TERT: variants seen among roughly 807,000 people sequenced by gnomAD.
TERT encodes telomerase reverse transcriptase.
A neutral mutation model predicts 104.0 loss-of-function variants in TERT; 42 were observed. That is an observed-to-expected ratio of 0.40 (90% CI 0.32 to 0.52). The LOEUF (loss-of-function observed/expected upper bound fraction) is 0.52. Ranked by LOEUF, TERT falls within the 20% of genes least tolerant of loss-of-function variation. The probability of loss-of-function intolerance (pLI) is 0.43; values close to 1 mark genes in which losing one functional copy is unlikely to be tolerated. For missense variants in TERT, 1,101 were observed against 1,610.3 expected (o/e 0.68, Z 5.41); for synonymous variants, 781 against 725.6 (o/e 1.08, Z -1.23).
chr5:1,290,344 G>A (rs1278863061), intron 2 of TERT, among the ~76,000 whole-genome samples: 34 of 48,634 alleles, frequency 7.0e-4, no homozygotes, highest in Non-Finnish European at 8.8e-4. Context: ...ACCCGGGGAC[G>A]GCACCTCACT....
chr5:1,257,862 C>G lies in TERT; in HGVS notation c.3032+736G>C, dbSNP rs537834845. Among the ~76,000 whole-genome samples the G allele has an allele frequency of 4.9e-4, 74 of 152,358 alleles. No individual in the cohort carries two copies. The highest frequency in any genetic ancestry group is 1.7e-3 in the African/African-American group (69 of 41,590). On this transcript the variant is annotated intron_variant, in intron 13 of 15. Transcript: ENST00000310581. The surrounding 1 kb of genome is among the most constrained non-coding windows in gnomAD (Gnocchi z 5.6). ...CCTCATGGGGCGAGGGCTTCGGCCT[C>G]CTGGCATTCAGCTCCCAGTGGCTCG...
Position 1,291,582 on chromosome 5 carries a change from G to A in TERT, c.1573+1731C>T, listed in dbSNP as rs1334558486. On this transcript the variant is annotated intron_variant, in intron 2 of 15. Transcript: ENST00000310581. ...GGACCGCGCCTCACTCACCCTGCAC[G>A]TGACAGGGACACCCGGGGACAGTGC... 7.4e-5 allele frequency among the ~76,000 whole-genome samples: 9 copies of A among 121,700 alleles called. 1 individual carries two copies. Among genetic ancestry groups the A allele is most frequent in the African/African-American group, 1.8e-4 (6 of 32,550 alleles). 79.8% of individuals were successfully genotyped at this position (121,700 alleles called of 152,430 possible).
rs1481526032 is a variant in TERT, at chr5:1,268,763, A to C, written c.2469-130T>G. On this transcript the variant is annotated intron_variant, in intron 8 of 15. Transcript: ENST00000310581. This position sits in a 1 kb window ranked among gnomAD's most constrained non-coding sequence, Gnocchi z 5.5. ...CACGTCTACCATTCAGCCGGCAAAC[A>C]CCTCAGAAACATACCAGATGAGACC... The C allele has an allele frequency of 2.8e-5, 18 of 645,232 alleles. No individual in the cohort carries two copies. The East Asian group carries it at 4.4e-4, about 16-fold the overall frequency. 40.0% of individuals were successfully genotyped at this position (645,232 alleles called of 1,614,324 possible).
At chr5:1,277,675 T>C (rs1447950563) in intron 6 of TERT, among the ~76,000 whole-genome samples, 1 of 138,382 alleles carries the variant, frequency 7.2e-6, no homozygotes. Flanking sequence ...GACGGGGGGG[T>C]CTCCTGGGCT....
At chr5:1,278,907 C>T (rs1749806585) in intron 5 of TERT, 111 bp from the exon 6 acceptor site, 1 of 1,433,648 alleles carries the variant, frequency 7.0e-7, no homozygotes, top group Admixed American at 1.7e-5. Context: ...CTGACCCCCA[C>T]CACTCCAGAC....
intron 3 of TERT, among the ~76,000 whole-genome samples, chr5:1,282,003 G>A (rs187021258): frequency 4.0e-4 from 61 of 152,040 alleles, no homozygotes; most frequent in African/African-American, 1.4e-3. Flanking sequence ...CTGGTGAATC[G>A]CTTAAACCCA....
chr5:1,286,416 C>T lies in TERT; in HGVS notation c.1574-3792G>A, dbSNP rs545694091. ...GGCAAAGCTACAGAAACACTCAACACGGAAAACAATATTAATAATGCTTAG... is the reference window on the plus strand; with the variant it reads ...GGCAAAGCTACAGAAACACTCAACATGGAAAACAATATTAATAATGCTTAG... On this transcript the variant is annotated intron_variant, in intron 2 of 15. Coordinates refer to ENST00000310581, the MANE Select transcript of TERT (RefSeq NM_198253.3). This position sits in a 1 kb window ranked among gnomAD's most constrained non-coding sequence, Gnocchi z 5.3. Among the ~76,000 whole-genome samples, 6 of 152,176 alleles carry T rather than the reference C, an allele frequency of 3.9e-5. No individual in the cohort carries two copies. Among genetic ancestry groups the T allele is most frequent in the East Asian group, 3.9e-4 (2 of 5,186 alleles).
At position 1,280,230 on chromosome 5, in the gene TERT, C is replaced by T; in HGVS notation, c.1878G>A (p.Lys626=). 1 of 1,613,968 alleles carries T rather than the reference C, an allele frequency of 6.2e-7. No homozygotes were observed. Among genetic ancestry groups the T allele is most frequent in the South Asian group, 1.1e-5 (1 of 91,092 alleles). The change falls in exon 4 of 16, where the codon AAG becomes AAA. Residue 626 remains lysine (K), a synonymous_variant. Transcript: ENST00000310581. ...LLTSRLRFIP[K]PDGLRPIVNM... is the part of the protein sequence containing the mutation. ...TCACAATCGGCCGCAGCCCGTCAGG[C>T]TTGGGGATGAAGCGGAGTCTGGACG...
chr5:1,253,473 C>T lies in TERT; in HGVS notation c.*255G>A, dbSNP rs373241100. 3.9e-4 allele frequency: 224 copies of T among 580,710 alleles called. 2 individuals are homozygous for T. The highest frequency in any genetic ancestry group is 2.7e-3 in the African/African-American group (144 of 53,654). 36.0% of individuals were successfully genotyped at this position (580,710 alleles called of 1,614,324 possible). On this transcript the variant is annotated 3_prime_UTR_variant, in exon 16 of 16. Transcript: ENST00000310581. ...GGAAAAGCTGGCCCTGGGGTGGAGC[C>T]GAGCGCCAGCCTGTGGGGAAGTGAA...
In TERT at chr5:1,288,621, C is replaced by A. The variant is rs1265987324; in HGVS notation, c.1573+4692G>T. Among the ~76,000 whole-genome samples the A allele has an allele frequency of 1.3e-5, 2 of 152,092 alleles. No homozygotes were observed. The highest frequency in any genetic ancestry group is 2.9e-5 in the Non-Finnish European group (2 of 68,022). Reference sequence around the variant, plus strand: ...CACCCAAGGGGGCCAAGCAGAGGGGCAGCTTGGGAGAAAACAGGACAAGTG... The same window carrying A: ...CACCCAAGGGGGCCAAGCAGAGGGGAAGCTTGGGAGAAAACAGGACAAGTG... On this transcript the variant is annotated intron_variant, in intron 2 of 15. Transcript: ENST00000310581. This position sits in a 1 kb window ranked among gnomAD's most constrained non-coding sequence, Gnocchi z 5.3.
intron 2 of TERT, among the ~76,000 whole-genome samples, chr5:1,291,799 G>A (rs1049401617): frequency 1.3e-5 from 2 of 152,242 alleles, no homozygotes; most frequent in African/African-American, 4.8e-5. Context: ...TAAGCCAGGG[G>A]CAGATTGTGA....
At chr5:1,278,590 C>G (rs772061400) in intron 6 of TERT, 51 bp downstream of exon 6, 28 of 1,612,800 alleles carry the variant, frequency 1.7e-5, no homozygotes, top group Non-Finnish European at 2.4e-5. Flanking sequence ...TAGACACATT[C>G]ATATCCCAGA....
In TERT at chr5:1,292,545, T is replaced by C. The variant is rs1751062184; in HGVS notation, c.1573+768A>G. 6.6e-6 allele frequency among the ~76,000 whole-genome samples: 1 copy of C among 151,734 alleles called. No individual in the cohort carries two copies. Among genetic ancestry groups the C allele is most frequent in the Non-Finnish European group, 1.5e-5 (1 of 67,998 alleles). On this transcript the variant is annotated intron_variant, in intron 2 of 15. Transcript: ENST00000310581. This position sits in a 1 kb window ranked among gnomAD's most constrained non-coding sequence, Gnocchi z 5.5. Reference sequence around the variant, plus strand: ...TTTTTTTTTAAAGACAGAGTTTCACTCTTGTCGCCCAGGCTGGAGTACAAT... The same window carrying C: ...TTTTTTTTTAAAGACAGAGTTTCACCCTTGTCGCCCAGGCTGGAGTACAAT...
intron 9 of TERT, 92 bp from the exon 10 acceptor site, chr5:1,266,627 G>A: frequency 9.4e-7 from 1 of 1,058,558 alleles, no homozygotes; most frequent in South Asian, 1.4e-5. Flanking sequence ...AATTTACACA[G>A]CCATAAATAA....
At position 1,292,041 on chromosome 5, in the gene TERT, G is replaced by A. The variant is rs1013015196; in HGVS notation, c.1573+1272C>T. On this transcript the variant is annotated intron_variant, in intron 2 of 15. Transcript: ENST00000310581. This position sits in a 1 kb window ranked among gnomAD's most constrained non-coding sequence, Gnocchi z 5.5. Reference sequence around the variant, plus strand: ...TTTCAAGCAACCTGCTGTAAACACCGCCGAGTTAGCAATTCTGCACTGTAC... The same window carrying A: ...TTTCAAGCAACCTGCTGTAAACACCACCGAGTTAGCAATTCTGCACTGTAC... Among the ~76,000 whole-genome samples, 33 of 152,128 alleles carry A rather than the reference G, an allele frequency of 2.2e-4. No individual in the cohort carries two copies. Among genetic ancestry groups the A allele is most frequent in the African/African-American group, 8.0e-4 (33 of 41,408 alleles).
chr5:1,291,708 GTGACAGGGACACCTGGGGGCA>G (rs1750997297), intron 2 of TERT, among the ~76,000 whole-genome samples: 1 of 147,924 alleles, frequency 6.8e-6, no homozygotes, highest in African/African-American at 2.5e-5. Flanking sequence ...CACCCTACAC[GTGACAGGGACACCTGGGGGCA>G]ACGCCTCACT....
chr5:1,277,548 G>A (rs1220692042), intron 6 of TERT, among the ~76,000 whole-genome samples: 2 of 151,478 alleles, frequency 1.3e-5, no homozygotes, highest in African/African-American at 4.8e-5. Context: ...GACCATGGAG[G>A]TCGAGGTCGG....
Position 1,255,515 on chromosome 5 carries a change from CAT to C in TERT, c.3033-106_3033-105del. On this transcript the variant is annotated intron_variant, in intron 13 of 15. Coordinates refer to ENST00000310581, the MANE Select transcript of TERT (RefSeq NM_198253.3). This position sits in a 1 kb window ranked among gnomAD's most constrained non-coding sequence, Gnocchi z 6.9. Reference sequence around the variant, plus strand: ...GTGCCTGTGTGCGTGCATGAATGCACATGCATGGGTTTCCTCATGGGCACAGG... The same window carrying C: ...GTGCCTGTGTGCGTGCATGAATGCACGCATGGGTTTCCTCATGGGCACAGG... 1 of 1,457,434 alleles carries C rather than the reference CAT, an allele frequency of 6.9e-7. No homozygotes were observed. Among genetic ancestry groups the C allele is most frequent in the Non-Finnish European group, 9.6e-7 (1 of 1,046,506 alleles). 90.3% of individuals were successfully genotyped at this position (1,457,434 alleles called of 1,614,324 possible).
chr5:1,295,059 G>A lies in TERT; in HGVS notation c.-70C>T, dbSNP rs1289886281. On this transcript the variant is annotated 5_prime_UTR_variant, in exon 1 of 16. Coordinates refer to ENST00000310581, the MANE Select transcript of TERT (RefSeq NM_198253.3). The stretch of plus-strand genomic sequence containing the variant: ...CGCAGCGCTGCCTGAAACTCGCGCC[G>A]CGAGGAGAGGGCGGGGCCGCGGAAA... 1.8e-6 allele frequency: 2 copies of A among 1,124,762 alleles called. No homozygotes were observed. The highest frequency in any genetic ancestry group is 1.1e-6 in the Non-Finnish European group (1 of 883,174). The allele number at this position is 1,124,762 out of a possible 1,614,324, so 69.7% of individuals were successfully genotyped here.
Sources: allele counts gnomAD v4.1 joint callset (sites outside exome capture counted in the v4.1 genomes callset), GRCh38; gene constraint gnomAD v4.1.1; non-coding constraint Gnocchi (gnomAD v3.1); transcripts MANE v1.5; gene names NCBI Gene and HGNC (gene_info 2026-07-23, HGNC 2026-07-21).